The following CCDC148 variants were observed in gnomAD, a reference collection of about 807,000 sequenced individuals.
CCDC148 encodes the protein coiled-coil domain-containing protein 148.
CCDC148 carries 89 observed loss-of-function variants against 85.7 expected under a neutral mutation model. The observed-to-expected ratio is 1.04, with a 90% CI of 0.87 to 1.24. The LOEUF (loss-of-function observed/expected upper bound fraction) is 1.24, where lower values mean the gene tolerates loss of function less well. CCDC148 is among the 50% of genes most tolerant of loss of function. The pLI, the probability that CCDC148 is intolerant of heterozygous loss-of-function variation, is 0.00. For synonymous variants in CCDC148, 230 were observed against 213.9 expected, an observed-to-expected ratio of 1.08 and a Z score of -0.66; for missense variants, 692 against 671.7, an observed-to-expected ratio of 1.03 and a Z score of -0.33.
At chr2:158,448,680 T>C (rs776503433) in intron 1 of CCDC148, among the ~76,000 whole-genome samples, 10 of 152,140 alleles carry the variant, frequency 6.6e-5, no homozygotes, top group Non-Finnish European at 1.3e-4. Flanking sequence ...TCAATTCCTA[T>C]AAAAATGCTT....
intron 10 of CCDC148, among the ~76,000 whole-genome samples, chr2:158,237,879 C>T: frequency 6.6e-6 from 1 of 152,052 alleles, no homozygotes; most frequent in East Asian, 1.9e-4. Context: ...ACCAGTAAGA[C>T]AGAGGAACAA....
chr2:158,223,280 G>A (rs1040730321), intron 10 of CCDC148, among the ~76,000 whole-genome samples: 20 of 152,140 alleles, frequency 1.3e-4, no homozygotes, highest in African/African-American at 3.6e-4. Flanking sequence ...AGGGACACCC[G>A]CCATTGCTGA....
chr2:158,430,013 G>T (rs980829248), intron 1 of CCDC148, among the ~76,000 whole-genome samples: 26 of 152,210 alleles, frequency 1.7e-4, no homozygotes, highest in Admixed American at 6.5e-5. Context: ...CATAAAATCA[G>T]TTCATAAATC....
rs184891716 is a variant in CCDC148 at position 158,359,953 on chromosome 2, T to C, written c.26-1383A>G. On this transcript the variant is annotated intron_variant, in intron 1 of 13. Transcript: ENST00000283233. ...GAAATTCTCACTGCCAGCACAGCAG[T>C]CTGAAGTTGACCAGGAATGATTGAG... Among the ~76,000 whole-genome samples the C allele has an allele frequency of 2.6e-5, 4 of 152,282 alleles. No individual in the cohort carries two copies. In the East Asian group the frequency reaches 7.8e-4, roughly 30 times the overall value.
intron 9 of CCDC148, among the ~76,000 whole-genome samples, chr2:158,276,592 A>G (rs1252131232): frequency 7.4e-6 from 1 of 135,692 alleles, no homozygotes; most frequent in Non-Finnish European, 1.7e-5. Flanking sequence ...AAACAAAACA[A>G]AACAACTGCC....
intron 1 of CCDC148, among the ~76,000 whole-genome samples, chr2:158,443,114 G>C (rs1688004575): frequency 6.6e-6 from 1 of 151,910 alleles, no homozygotes; most frequent in African/African-American, 2.4e-5. Flanking sequence ...CTAGAGTTAG[G>C]GACAGGAAGG....
At chr2:158,325,072 G>T (rs1342219136) in intron 7 of CCDC148, among the ~76,000 whole-genome samples, 1 of 140,944 alleles carries the variant, frequency 7.1e-6, no homozygotes, top group African/African-American at 2.7e-5. Flanking sequence ...CAAACACACT[G>T]CTACGTCTCC....
chr2:158,366,957 G>A (rs1684232536), intron 1 of CCDC148, among the ~76,000 whole-genome samples: 1 of 152,150 alleles, frequency 6.6e-6, no homozygotes, highest in African/African-American at 2.4e-5. Context: ...GATAGTTAAG[G>A]TCCATGACTT....
chr2:158,445,546 C>A lies in CCDC148; in HGVS notation c.25+10869G>T, dbSNP rs1688123687. 2.0e-5 allele frequency among the ~76,000 whole-genome samples: 3 copies of A among 152,166 alleles called. No homozygotes were observed. In the South Asian group the frequency reaches 6.2e-4, roughly 32 times the overall value. On this transcript the variant is annotated intron_variant, in intron 1 of 13. Coordinates refer to ENST00000283233, the MANE Select transcript of CCDC148 (RefSeq NM_138803.4). ...CAAAAGAACAAGATTAAAATATAGT[C>A]TTTCAAAGACTTACTTCCAGTAATT... is the stretch of plus-strand genomic sequence containing the variant.
intron 1 of CCDC148, among the ~76,000 whole-genome samples, chr2:158,442,026 T>G (rs1400212504): frequency 1.3e-5 from 2 of 152,150 alleles, no homozygotes; most frequent in Non-Finnish European, 2.9e-5. Flanking sequence ...TGGAAAAATA[T>G]GTTTTACACC....
At chr2:158,288,247 C>T (rs1477661037) in intron 9 of CCDC148, among the ~76,000 whole-genome samples, 2 of 152,204 alleles carry the variant, frequency 1.3e-5, no homozygotes, top group African/African-American at 4.8e-5. Context: ...ACATTCTCCC[C>T]ATTGTCTTGG....
intron 11 of CCDC148, among the ~76,000 whole-genome samples, chr2:158,196,193 C>A (rs1685660024): frequency 6.6e-6 from 1 of 152,092 alleles, no homozygotes; most frequent in Non-Finnish European, 1.5e-5. Context: ...ACAAAGGTAA[C>A]AAATACTAAA....
intron 1 of CCDC148, among the ~76,000 whole-genome samples, chr2:158,449,549 G>C (rs1559153042): frequency 6.6e-6 from 1 of 151,914 alleles, no homozygotes; most frequent in Non-Finnish European, 1.5e-5. Flanking sequence ...CTGGGTTCAA[G>C]CAATTCTCCC....
chr2:158,348,622 A>AT (rs1683111964), intron 2 of CCDC148, among the ~76,000 whole-genome samples: 1 of 151,982 alleles, frequency 6.6e-6, no homozygotes, highest in African/African-American at 2.4e-5. Flanking sequence ...TCAGAAATAT[A>AT]TGTTGAAATA....
chr2:158,211,310 C>G (rs1432023865), intron 11 of CCDC148, among the ~76,000 whole-genome samples: 1 of 152,094 alleles, frequency 6.6e-6, no homozygotes, highest in Non-Finnish European at 1.5e-5. Flanking sequence ...AATTGATTCT[C>G]AAAAAGATCA....
At chr2:158,282,632 T>C (rs1176333236) in intron 9 of CCDC148, among the ~76,000 whole-genome samples, 1 of 152,120 alleles carries the variant, frequency 6.6e-6, no homozygotes, top group African/African-American at 2.4e-5. Flanking sequence ...TTAAAGAGGA[T>C]ACACAGAAAT....
chr2:158,252,963 T>C (rs147402372), intron 9 of CCDC148, among the ~76,000 whole-genome samples: 2,668 of 151,898 alleles, frequency 0.018, 55 homozygotes, highest in African/African-American at 0.041. Context: ...CCTGTGCACC[T>C]GCTTCTCCTT....
At chr2:158,348,217 C>T (rs1683089867) in intron 2 of CCDC148, among the ~76,000 whole-genome samples, 1 of 152,016 alleles carries the variant, frequency 6.6e-6, no homozygotes, top group Non-Finnish European at 1.5e-5. Context: ...GATTAGAGCA[C>T]AAAACTTCCA....
chr2:158,403,086 A>T (rs933245513), intron 1 of CCDC148, among the ~76,000 whole-genome samples: 16 of 152,168 alleles, frequency 1.1e-4, no homozygotes, highest in Admixed American at 5.3e-4. Context: ...AGGTCTGAAG[A>T]TGCAGAAGTT....
Sources: allele counts gnomAD v4.1 joint callset (sites outside exome capture counted in the v4.1 genomes callset), GRCh38; gene constraint gnomAD v4.1.1; transcripts MANE v1.5; gene names NCBI Gene and HGNC (gene_info 2026-07-23, HGNC 2026-07-21).